The following PCNX2 variants were observed in gnomAD, a reference collection of about 807,000 sequenced individuals.
PCNX2 encodes pecanex-like protein 2.
PCNX2 carries 168 observed loss-of-function variants against 223.8 expected under a neutral mutation model. That is an observed-to-expected ratio of 0.75 (90% CI 0.66 to 0.85). The LOEUF (loss-of-function observed/expected upper bound fraction) is 0.85. Ranked by LOEUF, PCNX2 falls within the 40% of genes least tolerant of loss-of-function variation. The pLI is 0.00. For missense variants in PCNX2, 2,507 were observed against 2,675.5 expected, an observed-to-expected ratio of 0.94 and a Z score of 1.39; for synonymous variants, 1,006 against 1,052.6, an observed-to-expected ratio of 0.96 and a Z score of 0.86.
At chr1:233,217,595 G>A (rs955289676) in intron 12 of PCNX2, among the ~76,000 whole-genome samples, 1 of 152,096 alleles carries the variant, frequency 6.6e-6, no homozygotes, top group Non-Finnish European at 1.5e-5. Context: ...TGATGGCAAC[G>A]TCTGCGGTCT....
intron 28 of PCNX2, among the ~76,000 whole-genome samples, chr1:233,007,462 G>GC (rs1233647774): frequency 6.6e-6 from 1 of 152,194 alleles, no homozygotes; most frequent in African/African-American, 2.4e-5. Context: ...AAAACCCACA[G>GC]CTGCTTCCAG....
chr1:233,182,231 C>G (rs1679843279), intron 15 of PCNX2, among the ~76,000 whole-genome samples: 1 of 152,208 alleles, frequency 6.6e-6, no homozygotes, highest in South Asian at 2.1e-4. Context: ...ATGCAGCCCC[C>G]ACTTGATGAC....
rs1669643264 is a variant in PCNX2 at position 232,990,186 on chromosome 1, T to G, written c.5792-3646A>C. Among the ~76,000 whole-genome samples, 1 of 152,218 alleles carries G rather than the reference T, an allele frequency of 6.6e-6. No homozygotes were observed. Among genetic ancestry groups the G allele is most frequent in the East Asian group, 1.9e-4 (1 of 5,196 alleles). ...GAAGGGAATGATGGCCTGCTGGGAA[T>G]GGCAGGTAGGTGGTTTCCGCAAAGT... On this transcript the variant is annotated intron_variant, in intron 32 of 33. Coordinates refer to ENST00000258229, the MANE Select transcript of PCNX2 (RefSeq NM_014801.4). This position sits in a 1 kb window ranked among gnomAD's most constrained non-coding sequence, Gnocchi z 4.3.
At chr1:233,089,758 G>T in intron 23 of PCNX2, 1 of 609,348 alleles carries the variant, frequency 1.6e-6, no homozygotes, top group Non-Finnish European at 2.3e-6. Context: ...ATTAACAGTG[G>T]CTTGTACCTT....
intron 31 of PCNX2, 128 bp from the exon 32 acceptor site, chr1:232,998,566 T>G (rs1483978116): frequency 1.1e-5 from 10 of 908,530 alleles, no homozygotes; most frequent in Non-Finnish European, 1.5e-5. Flanking sequence ...CCACCTGGCA[T>G]GCTGGTGGGA....
chr1:233,180,485 A>G (rs780058596), intron 15 of PCNX2, among the ~76,000 whole-genome samples: 17 of 152,262 alleles, frequency 1.1e-4, no homozygotes, highest in Non-Finnish European at 2.5e-4. Flanking sequence ...TGAAAGCTGA[A>G]TTTAGTCAAG....
At chr1:233,102,087 CTTT>C (rs201107797) in intron 21 of PCNX2, among the ~76,000 whole-genome samples, 10 of 124,988 alleles carry the variant, frequency 8.0e-5, no homozygotes, top group Admixed American at 8.1e-5. Context: ...ATTCATTTTT[CTTT>C]TTTTTTTTTT....
intron 1 of PCNX2, among the ~76,000 whole-genome samples, chr1:233,277,778 C>A (rs1308207500): frequency 6.6e-6 from 1 of 152,018 alleles, no homozygotes; most frequent in Non-Finnish European, 1.5e-5. Context: ...ACAGATGCAA[C>A]AGGCGAAGTC....
At chr1:232,998,861 A>G (rs1314382998) in intron 31 of PCNX2, among the ~76,000 whole-genome samples, 1 of 152,244 alleles carries the variant, frequency 6.6e-6, no homozygotes, top group Non-Finnish European at 1.5e-5. Flanking sequence ...CAGCTCTGCA[A>G]GAACTCAGCC....
chr1:233,162,152 C>T (rs2102824247), intron 17 of PCNX2, among the ~76,000 whole-genome samples: 1 of 152,174 alleles, frequency 6.6e-6, no homozygotes, highest in South Asian at 2.1e-4. Flanking sequence ...AAAGTTCAGC[C>T]TGAGAATGCT....
In PCNX2 at chr1:233,198,859, G is replaced by GA. The variant is rs1331459081; in HGVS notation, c.3066+79dup. The GA allele has an allele frequency of 7.8e-5, 106 of 1,360,948 alleles. 1 individual carries two copies. The South Asian group carries it at 1.2e-3, about 16-fold the overall frequency. The allele number at this position is 1,360,948 out of a possible 1,614,324, so 84.3% of individuals were successfully genotyped here. A position where few individuals can be genotyped will look rare whatever the true frequency, so the allele number is the denominator to read the frequency against. On this transcript the variant is annotated intron_variant, in intron 15 of 33. Transcript: ENST00000258229. ...AGATCCGATTTCTCTTGTAATTTTG[G>GA]AAAAAACATTCATTTGTTTAAAAAA...
chr1:233,002,325 A>C (rs142206189), intron 28 of PCNX2, among the ~76,000 whole-genome samples: 1,656 of 152,300 alleles, frequency 0.011, 25 homozygotes, highest in African/African-American at 0.038. Flanking sequence ...ATACAAAATC[A>C]ATGTGCAAAA....
chr1:233,323,895 TGAAAAGCCA>T, the PCNX2 span, among the ~76,000 whole-genome samples: 4 of 152,200 alleles, frequency 2.6e-5, no homozygotes, highest in African/African-American at 9.7e-5. Flanking sequence ...GGAAGGCACG[TGAAAAGCCA>T]AGATAGGCTG....
chr1:233,318,819 C>T, the PCNX2 span, among the ~76,000 whole-genome samples: 1 of 152,106 alleles, frequency 6.6e-6, no homozygotes, highest in Non-Finnish European at 1.5e-5. Context: ...ATCTGTCCAC[C>T]TCAGCCTCCC....
At chr1:233,113,766 T>C (rs1272000116) in intron 21 of PCNX2, among the ~76,000 whole-genome samples, 1 of 152,194 alleles carries the variant, frequency 6.6e-6, no homozygotes, top group African/African-American at 2.4e-5. Flanking sequence ...TGCAAATGTA[T>C]CCCTGAAAGC....
intron 32 of PCNX2, among the ~76,000 whole-genome samples, chr1:232,989,464 A>C (rs1339104944): frequency 6.6e-6 from 1 of 152,086 alleles, no homozygotes; most frequent in Non-Finnish European, 1.5e-5. Flanking sequence ...AAAAAAAAAA[A>C]AACTGCTCAC....
intron 23 of PCNX2, among the ~76,000 whole-genome samples, chr1:233,070,907 G>C (rs977783021): frequency 6.6e-6 from 1 of 152,006 alleles, no homozygotes; most frequent in Non-Finnish European, 1.5e-5. Context: ...TTTGGTGGCG[G>C]GCGCCTGTAA....
intron 17 of PCNX2, among the ~76,000 whole-genome samples, chr1:233,168,888 T>C (rs540583817): frequency 5.3e-5 from 8 of 152,238 alleles, no homozygotes; most frequent in African/African-American, 1.7e-4. Flanking sequence ...TAATGATGTG[T>C]ACAAAAAAAA....
At chr1:233,033,804 A>T (rs1228335937) in intron 25 of PCNX2, among the ~76,000 whole-genome samples, 1 of 152,236 alleles carries the variant, frequency 6.6e-6, no homozygotes, top group Non-Finnish European at 1.5e-5. Flanking sequence ...GAGGACTGGG[A>T]GAACTGGATA....
Sources: gnomAD v4.1 joint callset for allele counts (sites outside exome capture counted in the v4.1 genomes callset) on GRCh38, gnomAD v4.1.1 for gene constraint, Gnocchi (gnomAD v3.1) non-coding constraint, MANE v1.5 for transcripts, NCBI Gene and HGNC (gene_info 2026-07-23, HGNC 2026-07-21) for gene names.